Variants in OSBPL7 observed in about 807,000 individuals in gnomAD.
OSBPL7 encodes oxysterol binding protein like 7.
A neutral mutation model predicts 115.8 loss-of-function variants in OSBPL7; 66 were observed. That is an observed-to-expected ratio of 0.57 (90% confidence interval 0.47 to 0.70). The LOEUF is 0.70. Ranked by LOEUF, OSBPL7 falls within the 30% of genes least tolerant of loss-of-function variation. The probability of loss-of-function intolerance (pLI) is 0.00; values close to 1 mark genes in which losing one functional copy is unlikely to be tolerated. For missense variants in OSBPL7, 902 were observed against 1,125.5 expected (o/e 0.80, Z 2.84); for synonymous variants, 441 against 439.2 (o/e 1.00, Z -0.05).
chr17:47,808,268 G>A lies in OSBPL7; in HGVS notation c.*23C>T. 1 of 1,556,568 alleles carries A rather than the reference G, an allele frequency of 6.4e-7. No homozygotes were observed. The highest frequency in any genetic ancestry group is 1.4e-5 in the African/African-American group (1 of 73,810). On this transcript the variant is annotated 3_prime_UTR_variant, in exon 23 of 23. Coordinates refer to ENST00000007414, the MANE Select transcript of OSBPL7 (RefSeq NM_145798.3). The surrounding 1 kb of genome is among the most constrained non-coding windows in gnomAD (Gnocchi z 6.1). The stretch of plus-strand genomic sequence containing the variant: ...GAGGCAGGAGGAGTGAGGAACCAGA[G>A]CCTCCTGCCCCCGGGGCCAGGGCTA...
At position 47,810,828 on chromosome 17, in the gene OSBPL7, TG is replaced by T; in HGVS notation, c.1744del (p.His582ThrfsTer21). 6.2e-7 allele frequency: 1 copy of T among 1,613,444 alleles called. No individual in the cohort carries two copies. Among genetic ancestry groups the T allele is most frequent in the Non-Finnish European group, 8.5e-7 (1 of 1,179,868 alleles). The part of the protein sequence containing the change: ...GFRFISEQVS[H>X]HPPISACHAE... ...ATGGCAGGCCGAGATAGGGGGGTGG[TG>T]GGAGACCTTGGTGAGCAAAGAAGTT... is the stretch of plus-strand genomic sequence containing the variant. On this transcript the variant is annotated frameshift_variant, in exon 17 of 23. Transcript: ENST00000007414. LOFTEE classifies it high-confidence loss of function.
Position 47,816,345 on chromosome 17 carries a change from A to T in OSBPL7, c.1023+43T>A. On this transcript the variant is annotated intron_variant, in intron 11 of 22. Coordinates refer to ENST00000007414, the MANE Select transcript of OSBPL7 (RefSeq NM_145798.3). The surrounding 1 kb of genome is among the most constrained non-coding windows in gnomAD (Gnocchi z 5.8). ...CCCCAGGCTGGCAGTCCTCAGCTTG[A>T]AGCCCTCTCCCCGCACCAGTCACCC... 1 of 1,487,474 alleles carries T rather than the reference A, an allele frequency of 6.7e-7. No homozygotes were observed. Among genetic ancestry groups the T allele is most frequent in the Non-Finnish European group, 9.0e-7 (1 of 1,113,924 alleles). The allele number at this position is 1,487,474 out of a possible 1,614,324, so 92.1% of individuals were successfully genotyped here.
rs533346494 is a variant in OSBPL7 at position 47,817,955 on chromosome 17, G to T, written c.598+314C>A. Among the ~76,000 whole-genome samples, 13 of 152,222 alleles carry T rather than the reference G, an allele frequency of 8.5e-5. No homozygotes were observed. The East Asian group carries it at 2.5e-3, about 29-fold the overall frequency. On this transcript the variant is annotated intron_variant, in intron 7 of 22. Coordinates refer to ENST00000007414, the MANE Select transcript of OSBPL7 (RefSeq NM_145798.3). The stretch of plus-strand genomic sequence containing the variant: ...GCCAACTTCACAGACCCTACTGCAG[G>T]AACCCTTTCCTAGAGCACACCCCTT...
At chr17:47,811,998 C>T (rs2033057775) in intron 16 of OSBPL7, among the ~76,000 whole-genome samples, 2 of 152,332 alleles carry the variant, frequency 1.3e-5, no homozygotes, top group South Asian at 4.1e-4. Flanking sequence ...CACGAGTGTA[C>T]TGTGTCAATC....
rs1187273243 is a variant in OSBPL7 at position 47,819,105 on chromosome 17, G to A, written c.256-6C>T. The A allele has an allele frequency of 4.3e-6, 7 of 1,612,702 alleles. No individual in the cohort carries two copies. Among genetic ancestry groups the A allele is most frequent in the Non-Finnish European group, 5.9e-6 (7 of 1,178,790 alleles). The stretch of plus-strand genomic sequence containing the variant: ...TGGAGCTTCCCCTTGGTGATCTGGG[G>A]GTGAAGTGTTGGTAGAGGGAGAGGG... On this transcript the variant is annotated splice_region_variant and splice_polypyrimidine_tract_variant and intron_variant, in intron 4 of 22. Coordinates refer to ENST00000007414, the MANE Select transcript of OSBPL7 (RefSeq NM_145798.3).
At chr17:47,812,367 C>T (rs919871847) in intron 16 of OSBPL7, among the ~76,000 whole-genome samples, 16 of 152,214 alleles carry the variant, frequency 1.1e-4, no homozygotes, top group African/African-American at 3.6e-4. Flanking sequence ...TTGATGTCCT[C>T]CTCCCTCTAA....
At chr17:47,819,920 T>TGC in intron 3 of OSBPL7, 51 bp downstream of exon 3, 23 of 642,016 alleles carry the variant, frequency 3.6e-5, no homozygotes, top group East Asian at 8.0e-5. Context: ...CTGCCCCCCA[T>TGC]TCCCACCCCG....
chr17:47,818,082 G>A (rs1256902847), intron 7 of OSBPL7, among the ~76,000 whole-genome samples, 187 bp downstream of exon 7: 2 of 152,212 alleles, frequency 1.3e-5, no homozygotes, highest in African/African-American at 4.8e-5. Context: ...TGCCCAGGCA[G>A]ACTCTTACTC....
rs560029528 is a variant in OSBPL7, at chr17:47,808,789, G to C, written c.2297+75C>G. On this transcript the variant is annotated intron_variant, in intron 21 of 22. Transcript: ENST00000007414. The surrounding 1 kb of genome is among the most constrained non-coding windows in gnomAD (Gnocchi z 6.1). ...CTCTGAGGCCACTCAGTGAAGGAAG[G>C]ACAAAGCCCCAGCTCTGTACTCTGT... The C allele has an allele frequency of 6.2e-7, 1 of 1,604,518 alleles. No individual in the cohort carries two copies. Among genetic ancestry groups the C allele is most frequent in the Non-Finnish European group, 8.5e-7 (1 of 1,173,096 alleles).
chr17:47,810,422 T>C (rs760208076), intron 18 of OSBPL7, among the ~76,000 whole-genome samples, 172 bp downstream of exon 18: 3 of 152,220 alleles, frequency 2.0e-5, no homozygotes, highest in Non-Finnish European at 4.4e-5. Flanking sequence ...TCTTTCTCTA[T>C]TGGCAACTGC....
Position 47,821,224 on chromosome 17 carries a change from G to A in OSBPL7, c.-88+442C>T, listed in dbSNP as rs1425505362. On this transcript the variant is annotated intron_variant, in intron 1 of 22. Transcript: ENST00000007414. The stretch of plus-strand genomic sequence containing the variant: ...AATGCATGAGGCTCTGCATGTGTGA[G>A]ACGGGGGAGGGGACTGGAGGGGCGA... Among the ~76,000 whole-genome samples the A allele has an allele frequency of 3.9e-5, 6 of 152,280 alleles. No individual in the cohort carries two copies. In the East Asian group the frequency reaches 1.2e-3, roughly 29 times the overall value.
Position 47,816,746 on chromosome 17 carries a change from G to A in OSBPL7, c.795+34C>T, listed in dbSNP as rs757476564. 1.7e-5 allele frequency: 27 copies of A among 1,614,086 alleles called. No individual in the cohort carries two copies. The South Asian group carries it at 2.7e-4, about 16-fold the overall frequency. On this transcript the variant is annotated intron_variant, in intron 9 of 22. Coordinates refer to ENST00000007414, the MANE Select transcript of OSBPL7 (RefSeq NM_145798.3). This position sits in a 1 kb window ranked among gnomAD's most constrained non-coding sequence, Gnocchi z 5.8. The stretch of plus-strand genomic sequence containing the variant: ...GGGGCCGGCCTCCTTAGAGCATCCT[G>A]CCCCAGCTACGTGAGGTGCATGCCC...
rs374232332 is a variant in OSBPL7, at chr17:47,808,679, C to T, written c.2298-19G>A. The T allele has an allele frequency of 1.2e-6, 2 of 1,613,634 alleles. No individual in the cohort carries two copies. The highest frequency in any genetic ancestry group is 1.7e-6 in the Non-Finnish European group (2 of 1,179,794). Reference sequence around the variant, plus strand: ...CAGGTACCTGAGGATCCAGATCAAACTCAGGGGAACTGCCCATCTGCAGGG... The same window carrying T: ...CAGGTACCTGAGGATCCAGATCAAATTCAGGGGAACTGCCCATCTGCAGGG... On this transcript the variant is annotated intron_variant, in intron 21 of 22. Coordinates refer to ENST00000007414, the MANE Select transcript of OSBPL7 (RefSeq NM_145798.3). This position sits in a 1 kb window ranked among gnomAD's most constrained non-coding sequence, Gnocchi z 6.1.
rs770426438 is a variant in OSBPL7 at position 47,819,831 on chromosome 17, G to T, written c.202-49C>A. The T allele has an allele frequency of 1.4e-5, 23 of 1,612,184 alleles. No homozygotes were observed. In the South Asian group the frequency reaches 2.1e-4, roughly 15 times the overall value. ...AGGACCCGGGAGGCCGAGAGGAAGG[G>T]CATGAGGGAGAAGGCAACCACACAA... On this transcript the variant is annotated intron_variant, in intron 3 of 22. Coordinates refer to ENST00000007414, the MANE Select transcript of OSBPL7 (RefSeq NM_145798.3).
intron 13 of OSBPL7, 109 bp from the exon 14 acceptor site, chr17:47,814,723 G>C: frequency 1.1e-6 from 1 of 938,954 alleles, no homozygotes; most frequent in Non-Finnish European, 1.6e-6. Flanking sequence ...GTGGGAAGGG[G>C]AAGAGAATGT....
At chr17:47,819,923 C>CATGG in intron 3 of OSBPL7, 48 bp downstream of exon 3, 1 of 1,229,562 alleles carries the variant, frequency 8.1e-7, no homozygotes, top group Non-Finnish European at 1.2e-6. Context: ...CCCCCCATTC[C>CATGG]CACCCCGCCC....
Position 47,816,622 on chromosome 17 carries a change from C to G in OSBPL7, c.869G>C (p.Gly290Ala), listed in dbSNP as rs1345851625. The change falls in exon 10 of 23, where the codon GGG (glycine) becomes GCG (alanine). Residue 290 changes from glycine to alanine, a missense_variant. Coordinates refer to ENST00000007414, the MANE Select transcript of OSBPL7 (RefSeq NM_145798.3). The surrounding 1 kb of genome is among the most constrained non-coding windows in gnomAD (Gnocchi z 5.8). Reference protein sequence around the residue: ...LESRDSSGTRGLPPTDYAHLQ... With the variant: ...LESRDSSGTRALPPTDYAHLQ... ...GTGGGCATAGTCTGTGGGTGGCAGC[C>G]CACGGGTGCCCGAGGAGTCCCGAGA... is the stretch of plus-strand genomic sequence containing the variant. The G allele has an allele frequency of 1.2e-6, 2 of 1,613,750 alleles. No homozygotes were observed. Among genetic ancestry groups the G allele is most frequent in the African/African-American group, 2.7e-5 (2 of 74,904 alleles).
At position 47,813,300 on chromosome 17, in the gene OSBPL7, C is replaced by T. The variant is rs1225332251; in HGVS notation, c.1703G>A (p.Arg568Gln). Residue 568 changes from arginine (R) to glutamine (Q), a missense_variant, in exon 16 of 23, where the codon CGG becomes CAG. Physicochemically the swap from Arg to Gln is conservative, Grantham distance 43 (BLOSUM62 1). Around this residue, in one of 3 missense-constraint regions of OSBPL7, gnomAD observed 667 missense variants for 788.7 expected, o/e 0.85. Coordinates refer to ENST00000007414, the MANE Select transcript of OSBPL7 (RefSeq NM_145798.3). ...PVLGETYECE[R>Q]PDRGFRFISE... ...GATGAAGCGGAAGCCTCGGTCAGGCCGCTCACACTCGTAGGTCTCCCCCAG... is the reference window on the plus strand; with the variant it reads ...GATGAAGCGGAAGCCTCGGTCAGGCTGCTCACACTCGTAGGTCTCCCCCAG... 14 of 1,613,932 alleles carry T rather than the reference C, an allele frequency of 8.7e-6. No homozygotes were observed. The highest frequency in any genetic ancestry group is 1.1e-5 in the Non-Finnish European group (13 of 1,180,026).
rs1194427806 is a variant in OSBPL7, at chr17:47,808,034, C to T, written c.*257G>A. Reference sequence around the variant, plus strand: ...GGGGACAGGAATCGGAATGGTGAAGCGGGAAGGGTCTTACATGCTGGTTGT... The same window carrying T: ...GGGGACAGGAATCGGAATGGTGAAGTGGGAAGGGTCTTACATGCTGGTTGT... On this transcript the variant is annotated 3_prime_UTR_variant, in exon 23 of 23. Coordinates refer to ENST00000007414, the MANE Select transcript of OSBPL7 (RefSeq NM_145798.3). This position sits in a 1 kb window ranked among gnomAD's most constrained non-coding sequence, Gnocchi z 6.1. 10 of 529,300 alleles carry T rather than the reference C, an allele frequency of 1.9e-5. No individual in the cohort carries two copies. Among genetic ancestry groups the T allele is most frequent in the African/African-American group, 3.8e-5 (2 of 52,670 alleles). The allele number at this position is 529,300 out of a possible 1,614,324, so 32.8% of individuals were successfully genotyped here. A position where few individuals can be genotyped will look rare whatever the true frequency, so the allele number is the denominator to read the frequency against.
Sources: allele counts gnomAD v4.1 joint callset (sites outside exome capture counted in the v4.1 genomes callset), GRCh38; gene constraint gnomAD v4.1.1; regional missense constraint gnomAD v4.1.1; non-coding constraint Gnocchi (gnomAD v3.1); transcripts MANE v1.5; gene names NCBI Gene and HGNC (gene_info 2026-07-23, HGNC 2026-07-21).